The following SLCO1B3 variants were observed in gnomAD, a reference collection of about 807,000 sequenced individuals.
The protein encoded by SLCO1B3 is liver-specific organic anion transporter 2.
A neutral mutation model predicts 71.8 loss-of-function variants in SLCO1B3; 72 were observed. The observed-to-expected ratio is 1.00, with a 90% confidence interval of 0.83 to 1.22. SLCO1B3 has a LOEUF of 1.22. Ranked by LOEUF, SLCO1B3 falls within the 50% of genes most tolerant of loss-of-function variation. SLCO1B3 has a pLI of 0.00. For synonymous variants in SLCO1B3, 298 were observed against 278.4 expected (o/e 1.07, Z -0.70); for missense variants, 911 against 819.7 (o/e 1.11, Z -1.36).
At chr12:20,831,041 G>A (rs1864527562) in intron 3 of SLCO1B3, among the ~76,000 whole-genome samples, 1 of 150,762 alleles carries the variant, frequency 6.6e-6, no homozygotes, top group Non-Finnish European at 1.5e-5. Flanking sequence ...AGCAGTGTAT[G>A]TAAGGCACAT....
intron 8 of SLCO1B3, 142 bp downstream of exon 8, chr12:20,862,996 A>C (rs1865300992): frequency 2.2e-6 from 1 of 459,350 alleles, no homozygotes; most frequent in Non-Finnish European, 3.8e-6. Context: ...ATCCATTAAT[A>C]ATCAGAATAA....
chr12:20,875,535 G>A, intron 9 of SLCO1B3, 58 bp downstream of exon 9: 2 of 1,523,074 alleles, frequency 1.3e-6, no homozygotes, highest in East Asian at 2.3e-5. Context: ...AAACGGAGAA[G>A]TGAGTAAAAA....
intron 15 of SLCO1B3, among the ~76,000 whole-genome samples, chr12:20,906,002 G>T (rs1211491921): frequency 1.3e-5 from 2 of 152,106 alleles, no homozygotes; most frequent in Non-Finnish European, 2.9e-5. Flanking sequence ...GTGTAAAAAG[G>T]GAAGGACTAC....
chr12:20,841,248 T>C (rs1864794603), intron 3 of SLCO1B3, among the ~76,000 whole-genome samples: 1 of 152,156 alleles, frequency 6.6e-6, no homozygotes, highest in South Asian at 2.1e-4. Context: ...GAATCATTGC[T>C]TTTTCAGTCG....
intron 8 of SLCO1B3, among the ~76,000 whole-genome samples, chr12:20,863,264 G>A (rs1865307056): frequency 6.6e-6 from 1 of 152,050 alleles, no homozygotes; most frequent in Non-Finnish European, 1.5e-5. Context: ...GGCAGGGGTG[G>A]GTTAAGAGAG....
At position 20,879,548 on chromosome 12, in the gene SLCO1B3, G is replaced by A. The variant is rs1251969554; in HGVS notation, c.1248G>A (p.Met416Ile). 11 of 1,612,544 alleles carry A rather than the reference G, an allele frequency of 6.8e-6. No homozygotes were observed. The highest frequency in any genetic ancestry group is 5.9e-6 in the Non-Finnish European group (7 of 1,179,058). The change falls in exon 11 of 16, where the codon ATG becomes ATA. Residue 416 changes from methionine (M) to isoleucine (I), a missense_variant. Coordinates refer to ENST00000381545, the MANE Select transcript of SLCO1B3 (RefSeq NM_019844.4). ...GIAKFSFLTS[M>I]ISFLFQLLYF... The stretch of plus-strand genomic sequence containing the variant: ...CCAAATTTTCATTTCTTACTTCGAT[G>A]ATATCCTTCTTGTTTCAACTTCTAT...
At chr12:20,882,429 A>G (rs1406463632) in intron 12 of SLCO1B3, among the ~76,000 whole-genome samples, 1 of 152,108 alleles carries the variant, frequency 6.6e-6, no homozygotes, top group Non-Finnish European at 1.5e-5. Context: ...TTTGAGATGG[A>G]GTCTCACCCT....
At chr12:20,900,908 A>G (rs1294512106) in intron 14 of SLCO1B3, among the ~76,000 whole-genome samples, 1 of 152,214 alleles carries the variant, frequency 6.6e-6, no homozygotes, top group Non-Finnish European at 1.5e-5. Context: ...TCCTGCCTTT[A>G]CAGCAGTTTA....
intron 15 of SLCO1B3, among the ~76,000 whole-genome samples, chr12:20,909,013 G>A (rs1044784666): frequency 2.0e-5 from 3 of 152,116 alleles, no homozygotes; most frequent in Non-Finnish European, 4.4e-5. Context: ...AACAATGAAT[G>A]AGAGTTTCTA....
Position 20,858,567 on chromosome 12 carries a change from G to A in SLCO1B3, c.355G>A (p.Gly119Arg). 6.2e-7 allele frequency: 1 copy of A among 1,605,874 alleles called. No homozygotes were observed. Among genetic ancestry groups the A allele is most frequent in the Non-Finnish European group, 8.5e-7 (1 of 1,173,334 alleles). ...ILTSLPHFFMGYYRYSKETHI... is the reference protein window; with the variant it reads ...ILTSLPHFFMRYYRYSKETHI... ...GACATCTTTACCACATTTCTTCATG[G>A]GATAGTAAGTGTTAAACAGCTCTGA... Residue 119 changes from glycine (G) to arginine (R), a missense_variant, in exon 5 of 16, where the codon GGA (glycine) becomes AGA (arginine). Gly to Arg is a moderately radical substitution (Grantham distance 125). Transcript: ENST00000381545.
chr12:20,855,216 A>C (rs1458449785), intron 4 of SLCO1B3, 47 bp downstream of exon 4: 1 of 1,507,258 alleles, frequency 6.6e-7, no homozygotes, highest in African/African-American at 1.4e-5. Flanking sequence ...CATAAGTTGA[A>C]AAACAAACTG....
At chr12:20,821,398 G>A (rs1864303345) in intron 3 of SLCO1B3, among the ~76,000 whole-genome samples, 1 of 152,236 alleles carries the variant, frequency 6.6e-6, no homozygotes, top group East Asian at 1.9e-4. Context: ...GAGTTGAAGA[G>A]GTTTTAAGTT....
intron 5 of SLCO1B3, 51 bp downstream of exon 5, chr12:20,858,622 G>C: frequency 6.5e-7 from 1 of 1,527,884 alleles, no homozygotes; most frequent in South Asian, 1.2e-5. Flanking sequence ...TTGTAAATTA[G>C]CAGTAGAATT....
chr12:20,861,507 G>A (rs1261941767), intron 6 of SLCO1B3, among the ~76,000 whole-genome samples: 1 of 152,068 alleles, frequency 6.6e-6, no homozygotes, highest in Non-Finnish European at 1.5e-5. Context: ...ATGGATTATT[G>A]TATACCAAGG....
intron 8 of SLCO1B3, among the ~76,000 whole-genome samples, chr12:20,874,655 C>A (rs1327217849): frequency 6.6e-6 from 1 of 152,154 alleles, no homozygotes; most frequent in African/African-American, 2.4e-5. Flanking sequence ...TGATTTCTAA[C>A]ATTTAGAGTC....
intron 3 of SLCO1B3, among the ~76,000 whole-genome samples, chr12:20,838,311 TC>T (rs1426866437): frequency 6.6e-6 from 1 of 152,048 alleles, no homozygotes; most frequent in Non-Finnish European, 1.5e-5. Flanking sequence ...AATATTTTTC[TC>T]CATCCATTTA....
intron 3 of SLCO1B3, among the ~76,000 whole-genome samples, chr12:20,844,498 G>T (rs1057089967): frequency 2.0e-5 from 3 of 151,036 alleles, no homozygotes; most frequent in African/African-American, 7.3e-5. Context: ...AACCTAGGAG[G>T]CAGTGGTTGC....
At chr12:20,817,137 C>T (rs918139093) in intron 3 of SLCO1B3, among the ~76,000 whole-genome samples, 3 of 152,136 alleles carry the variant, frequency 2.0e-5, no homozygotes, top group Admixed American at 2.0e-4. Context: ...AATATTTTCT[C>T]CTACTCTGTG....
Position 20,811,329 on chromosome 12 carries a change from G to C in SLCO1B3, c.-181+565G>C, listed in dbSNP as rs78852732. 4.2e-3 allele frequency among the ~76,000 whole-genome samples: 642 copies of C among 152,218 alleles called. 5 individuals are homozygous for C. The highest frequency in any genetic ancestry group is 0.015 in the African/African-American group (613 of 41,518). ...TTCAAATAAGAGAAAAAAATCTTCT[G>C]GGCACAGCTCTTGGAAAGAATTAAC... On this transcript the variant is annotated intron_variant, in intron 1 of 15. Transcript: ENST00000381545.
Sources: gnomAD v4.1 joint callset for allele counts (sites outside exome capture counted in the v4.1 genomes callset) on GRCh38, gnomAD v4.1.1 for gene constraint, MANE v1.5 for transcripts, NCBI Gene and HGNC (gene_info 2026-07-23, HGNC 2026-07-21) for gene names.